Variants in ACTN4 observed in about 807,000 individuals in gnomAD.
ACTN4 encodes the protein alpha-actinin-4.
ACTN4 carries 18 observed loss-of-function variants against 114.2 expected under a neutral mutation model. The ratio of observed to expected loss-of-function variants is 0.16; its 90% CI spans 0.11 to 0.23. The LOEUF is 0.23. Ranked by LOEUF, ACTN4 falls within the 10% of genes least tolerant of loss-of-function variation. The pLI is 1.00. For missense variants in ACTN4, 722 were observed against 1,262.9 expected, an observed-to-expected ratio of 0.57 and a Z score of 6.49; for synonymous variants, 515 against 506.3, an observed-to-expected ratio of 1.02 and a Z score of -0.23.
At chr19:38,705,430 C>T (rs540476667) in intron 4 of ACTN4, among the ~76,000 whole-genome samples, 6 of 152,342 alleles carry the variant, frequency 3.9e-5, no homozygotes, top group East Asian at 1.9e-4. Flanking sequence ...GAGCTCAGGC[C>T]GTCCAGGAAT....
intron 20 of ACTN4, 32 bp from the exon 21 acceptor site, chr19:38,729,242 G>A: frequency 6.2e-7 from 1 of 1,612,494 alleles, no homozygotes; most frequent in Admixed American, 1.7e-5. Context: ...TGTGGGTGGG[G>A]ATGGCTCAGA....
chr19:38,721,712 T>A, intron 12 of ACTN4, 24 bp downstream of exon 12: 1 of 1,609,600 alleles, frequency 6.2e-7, no homozygotes, highest in Non-Finnish European at 8.5e-7. Flanking sequence ...CAGGACACTA[T>A]CATCACCTGG....
chr19:38,684,205 T>C (rs989684803), intron 1 of ACTN4, among the ~76,000 whole-genome samples: 1 of 152,022 alleles, frequency 6.6e-6, no homozygotes, highest in Non-Finnish European at 1.5e-5. Flanking sequence ...TAAATGTGAG[T>C]CATTTGTGTA....
rs757473304 is a variant in ACTN4 at position 38,729,106 on chromosome 19, C to T, written c.2529C>T (p.Asp843=). Residue 843 remains aspartate, a synonymous_variant, in exon 20 of 21, where the codon GAC becomes GAT. Coordinates refer to ENST00000252699, the MANE Select transcript of ACTN4 (RefSeq NM_004924.6). The part of the protein sequence containing the change: ...DFMSRETTDT[D]TADQVIASFK... ...TGTCGCGGGAGACCACCGACACGGA[C>T]ACGGCTGACCAGGTCATCGCTTCCT... 9.5e-5 allele frequency: 154 copies of T among 1,613,272 alleles called. No individual in the cohort carries two copies. Among genetic ancestry groups the T allele is most frequent in the Admixed American group, 3.2e-4 (19 of 60,004 alleles).
intron 1 of ACTN4, among the ~76,000 whole-genome samples, chr19:38,661,001 C>T (rs1434885159): frequency 6.6e-6 from 1 of 152,072 alleles, no homozygotes; most frequent in Non-Finnish European, 1.5e-5. Context: ...CAAGAGAGCA[C>T]CAGAGGAACG....
intron 1 of ACTN4, among the ~76,000 whole-genome samples, chr19:38,681,454 C>T (rs1035481186): frequency 3.9e-5 from 6 of 152,204 alleles, no homozygotes; most frequent in Admixed American, 2.0e-4. Flanking sequence ...TCAGTCTCTC[C>T]ACCTTCTGGC....
intron 1 of ACTN4, among the ~76,000 whole-genome samples, chr19:38,664,769 G>T (rs1341522045): frequency 6.6e-6 from 1 of 152,214 alleles, no homozygotes; most frequent in Non-Finnish European, 1.5e-5. Context: ...CTGCCCAGCA[G>T]TCCTTATGAG....
At chr19:38,676,170 A>T (rs1967369176) in intron 1 of ACTN4, among the ~76,000 whole-genome samples, 1 of 152,192 alleles carries the variant, frequency 6.6e-6, no homozygotes, top group South Asian at 2.1e-4. Flanking sequence ...TTCAACTAGG[A>T]AACTTCAGCC....
At chr19:38,683,203 A>C (rs1967633383) in intron 1 of ACTN4, among the ~76,000 whole-genome samples, 1 of 151,860 alleles carries the variant, frequency 6.6e-6, no homozygotes, top group Non-Finnish European at 1.5e-5. Flanking sequence ...GGCTGGGATG[A>C]CTCTGGAATC....
chr19:38,676,433 G>A (rs962994828), intron 1 of ACTN4, among the ~76,000 whole-genome samples: 1 of 152,204 alleles, frequency 6.6e-6, no homozygotes, highest in Non-Finnish European at 1.5e-5. Flanking sequence ...TAAGGAATAT[G>A]AGCCAGTAGA....
intron 1 of ACTN4, among the ~76,000 whole-genome samples, chr19:38,655,940 A>T (rs184772952): frequency 2.0e-5 from 3 of 152,352 alleles, no homozygotes; most frequent in Admixed American, 6.5e-5. Flanking sequence ...AATGACAAAA[A>T]TATGTACATG....
intron 1 of ACTN4, among the ~76,000 whole-genome samples, chr19:38,686,380 C>T (rs545236980): frequency 6.6e-6 from 1 of 151,898 alleles, no homozygotes; most frequent in Non-Finnish European, 1.5e-5. Flanking sequence ...TCCCCCACCC[C>T]CACCCTGAAA....
rs1968239508 is a variant in ACTN4, at chr19:38,700,600, A to G, written c.163A>G (p.Thr55Ala). The change falls in exon 2 of 21, where the codon ACC becomes GCC. Residue 55 changes from threonine to alanine, a missense_variant and splice_region_variant. Coordinates refer to ENST00000252699, the MANE Select transcript of ACTN4 (RefSeq NM_004924.6). ...DPAWEKQQRK[T>A]FTAWCNSHLR... The stretch of plus-strand genomic sequence containing the variant: ...ACTGTCCTTTGTTCTGCTTCCCCAG[A>G]CCTTCACGGCATGGTGCAACTCCCA... 6.2e-7 allele frequency: 1 copy of G among 1,612,850 alleles called. No individual in the cohort carries two copies. Among genetic ancestry groups the G allele is most frequent in the South Asian group, 1.1e-5 (1 of 91,056 alleles).
rs1211089292 is a variant in ACTN4, at chr19:38,730,510, CAT to C, written c.*1079_*1080del. ...ACCCTCTGGGGACAGGATAATAAAA[CAT>C]GTAATATTTTTAAGAAGGATTCCTG... On this transcript the variant is annotated 3_prime_UTR_variant, in exon 21 of 21. Transcript: ENST00000252699. 5.7e-5 allele frequency: 20 copies of C among 349,864 alleles called. No individual in the cohort carries two copies. The highest frequency in any genetic ancestry group is 1.0e-4 in the East Asian group (2 of 19,150). 21.7% of individuals were successfully genotyped at this position (349,864 alleles called of 1,614,324 possible). A position where few individuals can be genotyped will look rare whatever the true frequency, so the allele number is the denominator to read the frequency against.
Position 38,724,418 on chromosome 19 carries a change from T to C in ACTN4, c.1876-13T>C, listed in dbSNP as rs1285413752. ...CCTCCCTGACCGCTCCCACACCGCGTCTCCTCTGCCAGGTGCAGCAGCTGG... is the reference window on the plus strand; with the variant it reads ...CCTCCCTGACCGCTCCCACACCGCGCCTCCTCTGCCAGGTGCAGCAGCTGG... On this transcript the variant is annotated splice_polypyrimidine_tract_variant and intron_variant, in intron 15 of 20. Transcript: ENST00000252699. This position sits in a 1 kb window ranked among gnomAD's most constrained non-coding sequence, Gnocchi z 7.0. 6.2e-7 allele frequency: 1 copy of C among 1,612,770 alleles called. No individual in the cohort carries two copies. Among genetic ancestry groups the C allele is most frequent in the African/African-American group, 1.3e-5 (1 of 74,908 alleles).
At chr19:38,711,094 G>C (rs980769597) in intron 8 of ACTN4, 2 of 158,654 alleles carry the variant, frequency 1.3e-5, no homozygotes, top group Admixed American at 6.4e-5. Context: ...GGTTAGAAAA[G>C]GAATGCACCC....
At chr19:38,691,467 G>A (rs1395621658) in intron 1 of ACTN4, among the ~76,000 whole-genome samples, 1 of 151,774 alleles carries the variant, frequency 6.6e-6, no homozygotes, top group South Asian at 2.1e-4. Context: ...GATAGCCTAG[G>A]GGAGATGACA....
Position 38,717,028 on chromosome 19 carries a change from G to A in ACTN4, c.913-58G>A. On this transcript the variant is annotated intron_variant, in intron 9 of 20. Coordinates refer to ENST00000252699, the MANE Select transcript of ACTN4 (RefSeq NM_004924.6). The surrounding 1 kb of genome is among the most constrained non-coding windows in gnomAD (Gnocchi z 4.0). ...CCATGTGCCCATAAGCTGGGGGGCAGCCCGTCAGCACTCTGAGGGTCCCCC... is the reference window on the plus strand; with the variant it reads ...CCATGTGCCCATAAGCTGGGGGGCAACCCGTCAGCACTCTGAGGGTCCCCC... 17 of 1,542,430 alleles carry A rather than the reference G, an allele frequency of 1.1e-5. No individual in the cohort carries two copies. In the South Asian group the frequency reaches 1.8e-4, roughly 16 times the overall value.
At chr19:38,647,958 CG>C (rs1473376710) in intron 1 of ACTN4, 51 bp downstream of exon 1, 5 of 621,674 alleles carry the variant, frequency 8.0e-6, no homozygotes, top group East Asian at 9.0e-5. Flanking sequence ...TGAGGGGGCC[CG>C]GGGAGGGGTG....
Sources: gnomAD v4.1 joint callset for allele counts (sites outside exome capture counted in the v4.1 genomes callset) on GRCh38, gnomAD v4.1.1 for gene constraint, Gnocchi (gnomAD v3.1) non-coding constraint, MANE v1.5 for transcripts, NCBI Gene and HGNC (gene_info 2026-07-23, HGNC 2026-07-21) for gene names.